Variants in PRKCD observed in about 807,000 individuals in gnomAD.
PRKCD encodes protein kinase C delta type.
In PRKCD, 20 loss-of-function variants were observed where a neutral mutation model predicts 82.2. That is an observed-to-expected ratio of 0.24 (90% CI 0.17 to 0.35). The LOEUF (loss-of-function observed/expected upper bound fraction) is 0.35, where lower values mean the gene tolerates loss of function less well. Among genes scored for constraint, PRKCD ranks in the 10% least tolerant of loss-of-function variants. The pLI, the probability that PRKCD is intolerant of heterozygous loss-of-function variation, is 1.00. For missense variants in PRKCD, 607 were observed against 899.0 expected (o/e 0.68, Z 4.15); for synonymous variants, 317 against 337.0 (o/e 0.94, Z 0.65).
chr3:53,177,091 A>G (rs1575531316), intron 2 of PRKCD, among the ~76,000 whole-genome samples: 1 of 151,976 alleles, frequency 6.6e-6, no homozygotes. Context: ...TGGCCTCCCA[A>G]AGTGCTGAGA....
At chr3:53,185,215 TG>T (rs1703628222) in intron 10 of PRKCD, among the ~76,000 whole-genome samples, 1 of 152,194 alleles carries the variant, frequency 6.6e-6, no homozygotes, top group Non-Finnish European at 1.5e-5. Flanking sequence ...GAGTGGGTGT[TG>T]GAACACTTTG....
chr3:53,192,164 C>A lies in PRKCD; in HGVS notation c.1929C>A (p.Arg643=). ...FDQEFLNEKA[R]LSYSDKNLID... Reference sequence around the variant, plus strand: ...AGGAGTTCCTGAACGAGAAGGCGCGCCTCTCCTACAGCGACAAGAACCTCA... The same window carrying A: ...AGGAGTTCCTGAACGAGAAGGCGCGACTCTCCTACAGCGACAAGAACCTCA... The change falls in exon 19 of 19, where the codon CGC becomes CGA. Residue 643 remains arginine, a synonymous_variant. Coordinates refer to ENST00000330452, the MANE Select transcript of PRKCD (RefSeq NM_006254.4). 1.2e-6 allele frequency: 2 copies of A among 1,614,076 alleles called. No individual in the cohort carries two copies. The highest frequency in any genetic ancestry group is 1.7e-6 in the Non-Finnish European group (2 of 1,180,002).
intron 7 of PRKCD, 177 bp downstream of exon 7, chr3:53,181,909 G>A (rs1703458878): frequency 2.1e-6 from 2 of 932,886 alleles, no homozygotes; most frequent in East Asian, 5.2e-5. Context: ...TGCTGCTCTG[G>A]AAAACCAGTT....
chr3:53,168,500 G>A (rs1553664266), intron 2 of PRKCD, among the ~76,000 whole-genome samples: 1 of 152,164 alleles, frequency 6.6e-6, no homozygotes, highest in Non-Finnish European at 1.5e-5. Flanking sequence ...AGGCTTAGGA[G>A]CAGGACTTCT....
chr3:53,181,021 T>C (rs1449705995), intron 4 of PRKCD, among the ~76,000 whole-genome samples, 186 bp from the exon 5 acceptor site: 1 of 66,472 alleles, frequency 1.5e-5, no homozygotes, highest in African/African-American at 6.1e-5. Flanking sequence ...GGGTACAGGG[T>C]GGGGGTGGGG....
intron 17 of PRKCD, among the ~76,000 whole-genome samples, 175 bp downstream of exon 17, chr3:53,189,421 T>G (rs1703842881): frequency 1.3e-5 from 2 of 152,100 alleles, no homozygotes; most frequent in African/African-American, 4.8e-5. Context: ...CCTGTCTGAG[T>G]CCTGTGCATA....
chr3:53,173,032 T>A (rs1703092585), intron 2 of PRKCD, among the ~76,000 whole-genome samples: 1 of 152,222 alleles, frequency 6.6e-6, no homozygotes, highest in Admixed American at 6.5e-5. Flanking sequence ...TCTGAAGACC[T>A]ATCTCTTGTG....
chr3:53,175,073 C>A (rs1341473480), intron 2 of PRKCD, among the ~76,000 whole-genome samples: 3 of 152,196 alleles, frequency 2.0e-5, no homozygotes, highest in African/African-American at 7.2e-5. Context: ...GCTGGGCAGG[C>A]CGGGGGTAGG....
chr3:53,181,861 A>G (rs1553667653), intron 7 of PRKCD, 129 bp downstream of exon 7: 1 of 1,348,240 alleles, frequency 7.4e-7, no homozygotes, highest in South Asian at 1.2e-5. Context: ...CAGTGTAGAT[A>G]CAGCAGCTGA....
At chr3:53,164,796 C>T (rs958380742) in intron 1 of PRKCD, among the ~76,000 whole-genome samples, 11 of 152,050 alleles carry the variant, frequency 7.2e-5, no homozygotes, top group Non-Finnish European at 1.3e-4. Flanking sequence ...TGCAAGGCAA[C>T]CTCCCACAGA....
rs568663378 is a variant in PRKCD at position 53,169,370 on chromosome 3, G to T, written c.-20+4155G>T. ...GGGCTCAACAGGCCTTCTAAGGGGT[G>T]GGGGAGCATTTGAGAGGCCCACGAA... is the stretch of plus-strand genomic sequence containing the variant. On this transcript the variant is annotated intron_variant, in intron 2 of 18. Coordinates refer to ENST00000330452, the MANE Select transcript of PRKCD (RefSeq NM_006254.4). The surrounding 1 kb of genome is among the most constrained non-coding windows in gnomAD (Gnocchi z 4.7). 7.2e-5 allele frequency among the ~76,000 whole-genome samples: 11 copies of T among 152,148 alleles called. No individual in the cohort carries two copies. The highest frequency in any genetic ancestry group is 2.2e-4 in the African/African-American group (9 of 41,426).
At position 53,183,437 on chromosome 3, in the gene PRKCD, T is replaced by C. The variant is rs782082726; in HGVS notation, c.658-15T>C. 8 of 1,613,928 alleles carry C rather than the reference T, an allele frequency of 5.0e-6. No homozygotes were observed. In the South Asian group the frequency reaches 7.7e-5, roughly 16 times the overall value. ...CTGGCACGTGACCCTCAGCCTGTGA[T>C]ACCCCCACCTCCAGTTCCAGAAAGA... On this transcript the variant is annotated splice_polypyrimidine_tract_variant and intron_variant, in intron 8 of 18. Transcript: ENST00000330452.
At chr3:53,179,512 T>G (rs1575533616) in intron 3 of PRKCD, 65 bp from the exon 4 acceptor site, 1 of 1,594,798 alleles carries the variant, frequency 6.3e-7, no homozygotes, top group Non-Finnish European at 8.6e-7. Flanking sequence ...GGGAAGGCCG[T>G]GGAGGTCTAC....
At chr3:53,184,711 C>A (rs1031805255) in intron 9 of PRKCD, among the ~76,000 whole-genome samples, 163 bp from the exon 10 acceptor site, 1 of 149,500 alleles carries the variant, frequency 6.7e-6, no homozygotes, top group African/African-American at 2.5e-5. Flanking sequence ...AGAGAGAGAT[C>A]GAAGTATTTA....
At chr3:53,167,135 C>T (rs1037882300) in intron 2 of PRKCD, among the ~76,000 whole-genome samples, 5 of 152,208 alleles carry the variant, frequency 3.3e-5, no homozygotes, top group East Asian at 1.9e-4. Flanking sequence ...AAGGCGTTTC[C>T]GGAGGCTTAC....
At chr3:53,188,613 C>G in intron 15 of PRKCD, 107 bp from the exon 16 acceptor site, 3 of 1,429,748 alleles carry the variant, frequency 2.1e-6, no homozygotes, top group Non-Finnish European at 2.9e-6. Context: ...CCCTTGTACC[C>G]TTGGGGACAG....
Position 53,192,269 on chromosome 3 carries a change from T to C in PRKCD, c.*3T>C. The C allele has an allele frequency of 6.2e-7, 1 of 1,613,754 alleles. No homozygotes were observed. The highest frequency in any genetic ancestry group is 8.5e-7 in the Non-Finnish European group (1 of 1,179,886). ...TCGAGCACCTCCTGGAAGATTGAGGTTCCTGGACAGATCAGGCTAGCCCTG... is the reference window on the plus strand; with the variant it reads ...TCGAGCACCTCCTGGAAGATTGAGGCTCCTGGACAGATCAGGCTAGCCCTG... On this transcript the variant is annotated 3_prime_UTR_variant, in exon 19 of 19. Coordinates refer to ENST00000330452, the MANE Select transcript of PRKCD (RefSeq NM_006254.4).
rs782573482 is a variant in PRKCD, at chr3:53,183,497, G to C, written c.703G>C (p.Val235Leu). Residue 235 changes from valine (V) to leucine (L), a missense_variant, in exon 9 of 19, where the codon GTT becomes CTT. Physicochemically the swap from Val to Leu is conservative, Grantham distance 32. This residue lies in a region of PRKCD where 109 missense variants were observed against 155.6 expected (regional missense o/e 0.70). Transcript: ENST00000330452. ...FNIDMPHRFK[V>L]HNYMSPTFCD... is the part of the protein sequence containing the mutation. ...CATCGACATGCCGCACCGCTTCAAG[G>C]TTCACAACTACATGAGCCCCACCTT... The C allele has an allele frequency of 6.2e-6, 10 of 1,614,194 alleles. No individual in the cohort carries two copies. In the South Asian group the frequency reaches 1.1e-4, roughly 18 times the overall value.
At chr3:53,190,106 A>G in intron 18 of PRKCD, 105 bp downstream of exon 18, 4 of 1,491,408 alleles carry the variant, frequency 2.7e-6, no homozygotes, top group South Asian at 1.2e-5. Context: ...TTCTTCCAGC[A>G]ATCTCCATAG....
Sources: allele counts gnomAD v4.1 joint callset (sites outside exome capture counted in the v4.1 genomes callset), GRCh38; gene constraint gnomAD v4.1.1; regional missense constraint gnomAD v4.1.1; non-coding constraint Gnocchi (gnomAD v3.1); transcripts MANE v1.5; gene names NCBI Gene and HGNC (gene_info 2026-07-23, HGNC 2026-07-21).